The following IL6R variants were observed in gnomAD, a reference collection of about 807,000 sequenced individuals.
The protein encoded by IL6R is interleukin 6 receptor, also known as interleukin-6 receptor subunit alpha.
A neutral mutation model predicts 48.3 loss-of-function variants in IL6R; 38 were observed. The ratio of observed to expected loss-of-function variants is 0.79; its 90% CI spans 0.61 to 1.03. The LOEUF (loss-of-function observed/expected upper bound fraction) is 1.03. Among genes scored for constraint, IL6R ranks in the 50% least tolerant of loss-of-function variants. The pLI is 0.00. For synonymous variants in IL6R, 264 were observed against 256.2 expected, an observed-to-expected ratio of 1.03 and a Z score of -0.29; for missense variants, 534 against 618.3, an observed-to-expected ratio of 0.86 and a Z score of 1.45.
rs1270500039 is a variant in IL6R at position 154,468,624 on chromosome 1, G to C, written c.*3244G>C. ...CACACGGAGCCTCTGGCACTTCCCT[G>C]CTGTCTTGGGAGAAAGGAAACTGGT... On this transcript the variant is annotated 3_prime_UTR_variant, in exon 10 of 10. Coordinates refer to ENST00000368485, the MANE Select transcript of IL6R (RefSeq NM_000565.4). 1 of 152,216 alleles carries C rather than the reference G, an allele frequency of 6.6e-6. No homozygotes were observed. Among genetic ancestry groups the C allele is most frequent in the Non-Finnish European group, 1.5e-5 (1 of 68,064 alleles). The allele number at this position is 152,216 out of a possible 1,614,324, so 9.4% of individuals were successfully genotyped here.
intron 1 of IL6R, among the ~76,000 whole-genome samples, chr1:154,421,001 C>T (rs967827089): frequency 6.6e-6 from 1 of 152,144 alleles, no homozygotes; most frequent in African/African-American, 2.4e-5. Context: ...GCAATACTGC[C>T]TCCTTTTGTG....
intron 6 of IL6R, among the ~76,000 whole-genome samples, chr1:154,447,504 T>A (rs11265616): frequency 1.1e-5 from 1 of 87,378 alleles, no homozygotes; most frequent in Non-Finnish European, 2.1e-5. Flanking sequence ...CACACACACA[T>A]ATATATATAC....
At chr1:154,462,411 T>C (rs530940738) in intron 9 of IL6R, among the ~76,000 whole-genome samples, 151 of 151,532 alleles carry the variant, frequency 1.0e-3, no homozygotes, top group Middle Eastern at 3.4e-3. Context: ...TTCATTCTTA[T>C]TGCCCAGGCT....
At chr1:154,426,240 G>T (rs1205499690) in intron 1 of IL6R, among the ~76,000 whole-genome samples, 1 of 152,120 alleles carries the variant, frequency 6.6e-6, no homozygotes, top group Non-Finnish European at 1.5e-5. Context: ...GCTGGGCGTG[G>T]TGGCTCACGC....
At chr1:154,449,735 A>T (rs796450452) in intron 7 of IL6R, among the ~76,000 whole-genome samples, 176 bp from the exon 8 acceptor site, 16 of 152,294 alleles carry the variant, frequency 1.1e-4, no homozygotes, top group African/African-American at 3.1e-4. Context: ...CATGGTGTGG[A>T]TAGAAAAAAT....
chr1:154,464,924 C>T (rs1232051865), intron 9 of IL6R, among the ~76,000 whole-genome samples: 2 of 152,256 alleles, frequency 1.3e-5, no homozygotes, highest in East Asian at 3.9e-4. Context: ...CACGCCATAG[C>T]ACTCCAGCCT....
In IL6R at chr1:154,466,276, G is replaced by C. The variant is rs995842305; in HGVS notation, c.*896G>C. 2.0e-5 allele frequency: 3 copies of C among 152,212 alleles called. No individual in the cohort carries two copies. The highest frequency in any genetic ancestry group is 6.5e-5 in the Admixed American group (1 of 15,286). 9.4% of individuals were successfully genotyped at this position (152,212 alleles called of 1,614,324 possible). The stretch of plus-strand genomic sequence containing the variant: ...CAAAGGAGAGCTAGCAGCAGGGAGG[G>C]CTTCTGCCATTTCTGAGATCAAAAC... On this transcript the variant is annotated 3_prime_UTR_variant, in exon 10 of 10. Coordinates refer to ENST00000368485, the MANE Select transcript of IL6R (RefSeq NM_000565.4).
intron 1 of IL6R, among the ~76,000 whole-genome samples, chr1:154,406,008 C>T (rs1211783857): frequency 2.0e-5 from 3 of 152,168 alleles, no homozygotes; most frequent in Non-Finnish European, 2.9e-5. Flanking sequence ...ACCTGACTCT[C>T]GAGCTTCCTT....
chr1:154,430,603 A>T lies in IL6R; in HGVS notation c.455A>T (p.Lys152Met), dbSNP rs749272271. ...ACAAAGGCTGTGCTCTTGGTGAGGAAGTTGTAAGTATCTTGGGCTGAGCTA... is the reference window on the plus strand; with the variant it reads ...ACAAAGGCTGTGCTCTTGGTGAGGATGTTGTAAGTATCTTGGGCTGAGCTA... ...LTTKAVLLVRKFQNSPAEDFQ... is the reference protein window; with the variant it reads ...LTTKAVLLVRMFQNSPAEDFQ... The change falls in exon 3 of 10, where the codon AAG (lysine) becomes ATG (methionine). Residue 152 changes from lysine to methionine, a missense_variant. Coordinates refer to ENST00000368485, the MANE Select transcript of IL6R (RefSeq NM_000565.4). 4 of 1,614,042 alleles carry T rather than the reference A, an allele frequency of 2.5e-6. No individual in the cohort carries two copies. The highest frequency in any genetic ancestry group is 2.5e-6 in the Non-Finnish European group (3 of 1,179,940).
At chr1:154,411,221 G>A (rs2149205380) in intron 1 of IL6R, among the ~76,000 whole-genome samples, 1 of 152,174 alleles carries the variant, frequency 6.6e-6, no homozygotes, top group East Asian at 1.9e-4. Context: ...ACCACACCTG[G>A]CTAATTTTTG....
intron 1 of IL6R, among the ~76,000 whole-genome samples, chr1:154,428,133 C>G (rs1689077254): frequency 6.6e-6 from 1 of 152,128 alleles, no homozygotes; most frequent in African/African-American, 2.4e-5. Flanking sequence ...GGTGGTTGGG[C>G]TAATTTTTAT....
intron 1 of IL6R, among the ~76,000 whole-genome samples, chr1:154,412,405 G>A (rs1444786077): frequency 2.6e-5 from 4 of 151,928 alleles, no homozygotes; most frequent in Non-Finnish European, 5.9e-5. Context: ...ACTGGTGCCT[G>A]CCACCACACC....
intron 7 of IL6R, among the ~76,000 whole-genome samples, chr1:154,448,701 T>C (rs920990257): frequency 1.3e-5 from 2 of 152,052 alleles, no homozygotes; most frequent in African/African-American, 2.4e-5. Flanking sequence ...CTGTGTTCCA[T>C]GTAGGAACAG....
At chr1:154,414,991 T>C (rs1688252138) in intron 1 of IL6R, 5 of 1,501,862 alleles carry the variant, frequency 3.3e-6, no homozygotes, top group Non-Finnish European at 4.6e-6. Context: ...CGGGCCAGAA[T>C]GAGCTGCTGT....
At chr1:154,426,020 A>G (rs1688942316) in intron 1 of IL6R, among the ~76,000 whole-genome samples, 1 of 151,522 alleles carries the variant, frequency 6.6e-6, no homozygotes, top group Non-Finnish European at 1.5e-5. Flanking sequence ...GGTTGCAAAA[A>G]GCTATGATTG....
At chr1:154,420,655 C>T (rs552974627) in intron 1 of IL6R, among the ~76,000 whole-genome samples, 1 of 151,756 alleles carries the variant, frequency 6.6e-6, no homozygotes, top group Non-Finnish European at 1.5e-5. Context: ...CATGCCTCAG[C>T]CTCCTGAGTA....
intron 2 of IL6R, 83 bp from the exon 3 acceptor site, chr1:154,430,400 C>T (rs1026908891): frequency 1.9e-6 from 3 of 1,555,124 alleles, no homozygotes; most frequent in Non-Finnish European, 2.6e-6. Context: ...GTGCTCCCCT[C>T]AAGGGAGGCT....
At chr1:154,448,880 T>C (rs1223698435) in intron 7 of IL6R, among the ~76,000 whole-genome samples, 1,826 of 126,702 alleles carry the variant, frequency 0.014, 245 homozygotes, top group African/African-American at 0.052. Context: ...AAGGGCTTTT[T>C]TTTTTTTTTT....
chr1:154,455,371 G>A (rs1690809779), intron 9 of IL6R, among the ~76,000 whole-genome samples: 1 of 152,166 alleles, frequency 6.6e-6, no homozygotes, highest in Non-Finnish European at 1.5e-5. Flanking sequence ...AAAGAGGTGG[G>A]AGGATTTTAG....
Sources: allele counts gnomAD v4.1 joint callset (sites outside exome capture counted in the v4.1 genomes callset), GRCh38; gene constraint gnomAD v4.1.1; transcripts MANE v1.5; gene names NCBI Gene and HGNC (gene_info 2026-07-23, HGNC 2026-07-21).